ATP9B: variants seen among roughly 807,000 people sequenced by gnomAD.
ATP9B encodes the protein probable phospholipid-transporting ATPase IIB.
Under a neutral mutation model 146.1 loss-of-function variants are expected in ATP9B, and 110 were observed. The ratio of observed to expected loss-of-function variants is 0.75; its 90% confidence interval spans 0.65 to 0.88. ATP9B has a LOEUF of 0.88. Ranked by LOEUF, ATP9B falls within the 40% of genes least tolerant of loss-of-function variation. ATP9B has a pLI of 0.00. For synonymous variants in ATP9B, 604 were observed against 569.7 expected (o/e 1.06, Z -0.86); for missense variants, 1,499 against 1,496.4 (o/e 1.00, Z -0.03).
intron 13 of ATP9B, among the ~76,000 whole-genome samples, chr18:79,301,080 A>C (rs1439291101): frequency 6.6e-6 from 1 of 152,260 alleles, no homozygotes; most frequent in Non-Finnish European, 1.5e-5. Context: ...TTACTTGGGC[A>C]CACATAATAG....
intron 26 of ATP9B, among the ~76,000 whole-genome samples, chr18:79,369,539 A>AGC (rs2097057108): frequency 2.0e-5 from 3 of 151,562 alleles, no homozygotes; most frequent in African/African-American, 7.3e-5. Context: ...TCTCAAAAAA[A>AGC]AAAAAAAAAA....
intron 23 of ATP9B, among the ~76,000 whole-genome samples, chr18:79,347,095 AC>A (rs1758795021): frequency 6.6e-6 from 1 of 151,904 alleles, no homozygotes; most frequent in South Asian, 2.1e-4. Flanking sequence ...CCTGTTTTCC[AC>A]GCACCATTCT....
At chr18:79,229,732 C>A (rs2095771957) in intron 11 of ATP9B, among the ~76,000 whole-genome samples, 1 of 152,190 alleles carries the variant, frequency 6.6e-6, no homozygotes, top group African/African-American at 2.4e-5. Flanking sequence ...GTCATCATTT[C>A]TCTTTCAAGT....
intron 12 of ATP9B, among the ~76,000 whole-genome samples, chr18:79,262,816 A>G (rs1295321222): frequency 6.6e-6 from 1 of 152,222 alleles, no homozygotes; most frequent in Non-Finnish European, 1.5e-5. Flanking sequence ...ATACACGCTT[A>G]AGATGTTTCC....
At chr18:79,313,739 G>A (rs1230269104) in intron 15 of ATP9B, among the ~76,000 whole-genome samples, 1 of 152,110 alleles carries the variant, frequency 6.6e-6, no homozygotes, top group Admixed American at 6.5e-5. Context: ...AGAAACTATA[G>A]ACATTGCTAA....
chr18:79,262,479 A>C (rs2096153208), intron 12 of ATP9B, among the ~76,000 whole-genome samples: 1 of 152,138 alleles, frequency 6.6e-6, no homozygotes, highest in East Asian at 1.9e-4. Flanking sequence ...CATTTGATAG[A>C]AAAAGGGCAT....
At chr18:79,375,556 GT>G (rs1255615584) in intron 29 of ATP9B, 130 bp downstream of exon 29, 1 of 1,485,902 alleles carries the variant, frequency 6.7e-7, no homozygotes, top group African/African-American at 1.4e-5. Flanking sequence ...CTGATGTCAC[GT>G]AAACTGGTGG....
intron 4 of ATP9B, among the ~76,000 whole-genome samples, chr18:79,122,399 G>A (rs907396695): frequency 6.6e-6 from 1 of 151,952 alleles, no homozygotes; most frequent in Non-Finnish European, 1.5e-5. Context: ...ATTAAGCTGT[G>A]GCTTATAAAA....
chr18:79,074,529 C>G (rs1001725323), intron 1 of ATP9B, among the ~76,000 whole-genome samples: 1 of 152,242 alleles, frequency 6.6e-6, no homozygotes, highest in Non-Finnish European at 1.5e-5. Context: ...CTGGCTCTCC[C>G]TAATGAGAGA....
chr18:79,121,697 T>G (rs941228505), intron 4 of ATP9B, among the ~76,000 whole-genome samples: 2 of 152,194 alleles, frequency 1.3e-5, no homozygotes, highest in Non-Finnish European at 2.9e-5. Flanking sequence ...TGACATCTTT[T>G]GGGTGTTGAG....
chr18:79,321,006 A>G (rs189580140), intron 15 of ATP9B, among the ~76,000 whole-genome samples: 2 of 152,328 alleles, frequency 1.3e-5, no homozygotes, highest in African/African-American at 4.8e-5. Flanking sequence ...AAACTTATCA[A>G]TCCTTTACAA....
At chr18:79,156,057 C>T (rs990763029) in intron 7 of ATP9B, among the ~76,000 whole-genome samples, 13 of 152,094 alleles carry the variant, frequency 8.5e-5, no homozygotes, top group African/African-American at 2.7e-4. Context: ...TCACTGCACC[C>T]GGCCAAATGT....
intron 15 of ATP9B, among the ~76,000 whole-genome samples, chr18:79,317,400 C>T (rs2096686938): frequency 6.6e-6 from 1 of 151,936 alleles, no homozygotes; most frequent in Admixed American, 6.6e-5. Context: ...GAATACTTAC[C>T]TGATAAGTGA....
chr18:79,212,108 G>A (rs577512022), intron 10 of ATP9B, among the ~76,000 whole-genome samples: 2 of 152,142 alleles, frequency 1.3e-5, no homozygotes, highest in Non-Finnish European at 2.9e-5. Context: ...TTAGCCTATT[G>A]TACTTCATAA....
At chr18:79,131,414 A>T (rs1187597584) in intron 5 of ATP9B, among the ~76,000 whole-genome samples, 2 of 152,236 alleles carry the variant, frequency 1.3e-5, no homozygotes, top group Non-Finnish European at 2.9e-5. Context: ...GCCAACATAC[A>T]TGTGAAACGA....
chr18:79,217,854 G>A (rs890015652), intron 11 of ATP9B, among the ~76,000 whole-genome samples: 4 of 152,146 alleles, frequency 2.6e-5, no homozygotes, highest in Non-Finnish European at 5.9e-5. Context: ...CATGTACAGG[G>A]GAAATCTCAT....
At chr18:79,093,556 T>C (rs1403874871) in intron 1 of ATP9B, among the ~76,000 whole-genome samples, 1 of 152,248 alleles carries the variant, frequency 6.6e-6, no homozygotes, top group Non-Finnish European at 1.5e-5. Context: ...TTAAGTTTGC[T>C]TTTTTAATTA....
chr18:79,158,140 T>C (rs2094823730), intron 7 of ATP9B, among the ~76,000 whole-genome samples: 1 of 152,200 alleles, frequency 6.6e-6, no homozygotes, highest in Admixed American at 6.5e-5. Context: ...TGTTCATAAC[T>C]ACAAATTTCC....
chr18:79,344,324 T>C lies in ATP9B; in HGVS notation c.2442T>C (p.Cys814=). 6.2e-7 allele frequency: 1 copy of C among 1,614,262 alleles called. No homozygotes were observed. Among genetic ancestry groups the C allele is most frequent in the Non-Finnish European group, 8.5e-7 (1 of 1,180,046 alleles). The change falls in exon 21 of 30, where the codon TGT becomes TGC. Residue 814 remains cysteine, a synonymous_variant. Coordinates refer to ENST00000426216, the MANE Select transcript of ATP9B (RefSeq NM_198531.5). The part of the protein sequence containing the change: ...ELNAFRRKHD[C]ALVISGDSLE... The stretch of plus-strand genomic sequence containing the variant: ...ATGCATTTCGAAGGAAGCATGATTG[T>C]GCACTAGTCATATCTGGGGACTCTC...
Sources: gnomAD v4.1 joint callset for allele counts (sites outside exome capture counted in the v4.1 genomes callset) on GRCh38, gnomAD v4.1.1 for gene constraint, MANE v1.5 for transcripts, NCBI Gene and HGNC (gene_info 2026-07-23, HGNC 2026-07-21) for gene names.